Variants in ZNF236 observed in about 807,000 individuals in gnomAD.
ZNF236 encodes the protein regulated by glucose.
A neutral mutation model predicts 191.2 loss-of-function variants in ZNF236; 50 were observed. The observed-to-expected ratio is 0.26, with a 90% CI of 0.21 to 0.33. The LOEUF is 0.33. ZNF236 is among the 10% of genes least tolerant of loss of function. The probability of loss-of-function intolerance (pLI) is 1.00; values close to 1 mark genes in which losing one functional copy is unlikely to be tolerated. For missense variants in ZNF236, 1,754 were observed against 2,374.5 expected (o/e 0.74, Z 5.43); for synonymous variants, 907 against 928.8 (o/e 0.98, Z 0.43).
At chr18:76,834,523 C>T (rs181852640) in intron 1 of ZNF236, 209 of 481,312 alleles carry the variant, frequency 4.3e-4, no homozygotes, top group Non-Finnish European at 7.2e-4. Context: ...GAGCATTTTG[C>T]GGTCTTTGTC....
chr18:76,825,400 T>G (rs1974986716), intron 1 of ZNF236, among the ~76,000 whole-genome samples: 1 of 151,952 alleles, frequency 6.6e-6, no homozygotes, highest in South Asian at 2.1e-4. Context: ...GCACTAATTG[T>G]ACAAAAGCAG....
At position 76,825,675 on chromosome 18, in the gene ZNF236, ATAAG is replaced by A. The variant is rs1188996552; in HGVS notation, c.55+3017_55+3020del. On this transcript the variant is annotated intron_variant, in intron 1 of 30. Transcript: ENST00000320610. Reference sequence around the variant, plus strand: ...TGTTAATGTGTAGTAGACATTTTAAATAAGTAAATATTTTAAAAATTGCTTAGTT... The same window carrying A: ...TGTTAATGTGTAGTAGACATTTTAAATAAATATTTTAAAAATTGCTTAGTT... Among the ~76,000 whole-genome samples, 3 of 152,282 alleles carry A rather than the reference ATAAG, an allele frequency of 2.0e-5. No homozygotes were observed. In the East Asian group the frequency reaches 5.8e-4, roughly 29 times the overall value.
At chr18:76,912,458 C>G (rs1001946525) in intron 17 of ZNF236, 111 bp downstream of exon 17, 1 of 673,726 alleles carries the variant, frequency 1.5e-6, no homozygotes, top group African/African-American at 1.8e-5. Context: ...CAAAACTGTT[C>G]AAAACAGTTC....
Position 76,927,239 on chromosome 18 carries a change from A to G in ZNF236, c.4174-38A>G, listed in dbSNP as rs756550890. 5.0e-6 allele frequency: 8 copies of G among 1,612,408 alleles called. No homozygotes were observed. In the Admixed American group the frequency reaches 5.0e-5, roughly 10 times the overall value. ...AATTCTCTTGGCATCACAGAGAAGC[A>G]TGAAGTTTTCATTACAAGTACCTGT... On this transcript the variant is annotated intron_variant, in intron 23 of 30. Coordinates refer to ENST00000320610, the MANE Select transcript of ZNF236 (RefSeq NM_001306089.2). The surrounding 1 kb of genome is among the most constrained non-coding windows in gnomAD (Gnocchi z 5.4).
At position 76,970,957 on chromosome 18, in the gene ZNF236, A is replaced by G. The variant is rs565336145; in HGVS notation, c.*2618A>G. Among the ~76,000 whole-genome samples, 1 of 152,256 alleles carries G rather than the reference A, an allele frequency of 6.6e-6. No homozygotes were observed. The highest frequency in any genetic ancestry group is 1.5e-5 in the Non-Finnish European group (1 of 68,040). Reference sequence around the variant, plus strand: ...TGGGCGTCAGCACAGTGCCCTGTGCATGTGTCAGAACTGTTCCTGTTCCCT... The same window carrying G: ...TGGGCGTCAGCACAGTGCCCTGTGCGTGTGTCAGAACTGTTCCTGTTCCCT... On this transcript the variant is annotated 3_prime_UTR_variant, in exon 31 of 31. Coordinates refer to ENST00000320610, the MANE Select transcript of ZNF236 (RefSeq NM_001306089.2).
chr18:76,874,411 T>A (rs531993561), intron 5 of ZNF236, among the ~76,000 whole-genome samples: 1 of 152,134 alleles, frequency 6.6e-6, no homozygotes, highest in East Asian at 1.9e-4. Flanking sequence ...GATTTTGTCT[T>A]TTTGCTCATT....
chr18:76,914,141 C>G (rs995101925), intron 18 of ZNF236, among the ~76,000 whole-genome samples: 1 of 152,172 alleles, frequency 6.6e-6, no homozygotes, highest in African/African-American at 2.4e-5. Flanking sequence ...CCTCAGGCAC[C>G]CAGTATCTAC....
chr18:76,940,285 T>C, intron 26 of ZNF236, among the ~76,000 whole-genome samples: 1 of 148,716 alleles, frequency 6.7e-6, no homozygotes, highest in Non-Finnish European at 1.5e-5. Flanking sequence ...GGGAACACGG[T>C]GGGCTGCCCT....
intron 3 of ZNF236, among the ~76,000 whole-genome samples, chr18:76,852,816 A>G (rs1975917612): frequency 6.6e-6 from 1 of 152,196 alleles, no homozygotes; most frequent in Admixed American, 6.5e-5. Flanking sequence ...GAAATTGCAT[A>G]TTCAGACGAT....
At chr18:76,866,150 T>G (rs560320551) in intron 3 of ZNF236, among the ~76,000 whole-genome samples, 1 of 152,294 alleles carries the variant, frequency 6.6e-6, no homozygotes, top group South Asian at 2.1e-4. Context: ...TACAGAATGT[T>G]TGGAGAAACA....
At chr18:76,939,720 T>G (rs1968083580) in intron 26 of ZNF236, among the ~76,000 whole-genome samples, 1 of 152,188 alleles carries the variant, frequency 6.6e-6, no homozygotes, top group Non-Finnish European at 1.5e-5. Flanking sequence ...TTGTAAAGCC[T>G]TAAGGGTGTA....
chr18:76,937,271 G>A lies in ZNF236; in HGVS notation c.4710G>A (p.Thr1570=), dbSNP rs375196025. 3.5e-4 allele frequency: 560 copies of A among 1,613,966 alleles called. No homozygotes were observed. The highest frequency in any genetic ancestry group is 4.5e-4 in the Non-Finnish European group (535 of 1,180,026). The change falls in exon 26 of 31, where the codon ACG becomes ACA. Residue 1570 remains threonine (T), a synonymous_variant. Transcript: ENST00000320610. ...GCGTGGGAGGTGACGCTAGTGTCAC[G>A]CTGACGCTGGCCGATACTCAGGGTA... ...SSGVGGDASV[T]LTLADTQGML... is the part of the protein sequence containing the mutation.
Position 76,927,941 on chromosome 18 carries a change from A to T in ZNF236, c.4429A>T (p.Thr1477Ser). The T allele has an allele frequency of 6.2e-7, 1 of 1,601,902 alleles. No individual in the cohort carries two copies. The highest frequency in any genetic ancestry group is 8.5e-7 in the Non-Finnish European group (1 of 1,174,000). The change falls in exon 25 of 31, where the codon ACT (threonine) becomes TCT (serine). Residue 1477 changes from threonine (T) to serine (S), a missense_variant. By Grantham distance (58) the Thr-to-Ser change is moderately conservative. Transcript: ENST00000320610. The surrounding 1 kb of genome is among the most constrained non-coding windows in gnomAD (Gnocchi z 5.4). ...ATGACAATCAGGGACCCAAGACCTC[A>T]CTCAAGTGATGACTTCGCAAGGTCT... ...TTNSSGTQDL[T>S]QVMTSQGLVS...
intron 28 of ZNF236, among the ~76,000 whole-genome samples, chr18:76,956,514 A>C (rs1968529863): frequency 6.6e-6 from 1 of 152,190 alleles, no homozygotes; most frequent in African/African-American, 2.4e-5. Context: ...AGGCTCGCTC[A>C]CGTAATTGCT....
chr18:76,850,853 C>T (rs1975840385), intron 2 of ZNF236, among the ~76,000 whole-genome samples: 3 of 151,948 alleles, frequency 2.0e-5, no homozygotes, highest in Admixed American at 2.0e-4. Context: ...ATCCGCCTGC[C>T]TCAGCCTCCC....
intron 11 of ZNF236, among the ~76,000 whole-genome samples, chr18:76,902,535 G>A (rs1329168870): frequency 6.6e-6 from 1 of 151,984 alleles, no homozygotes; most frequent in African/African-American, 2.4e-5. Context: ...TGTAGGGAAG[G>A]TGGTAGGCAC....
intron 1 of ZNF236, among the ~76,000 whole-genome samples, chr18:76,836,085 T>TA (rs1390423519): frequency 2.0e-5 from 3 of 152,012 alleles, no homozygotes; most frequent in African/African-American, 4.8e-5. Flanking sequence ...TTTTTGTATT[T>TA]TTAGTAGAGA....
In ZNF236 at chr18:76,880,921, C is replaced by T. The variant is rs547486659; in HGVS notation, c.1189-363C>T. On this transcript the variant is annotated intron_variant, in intron 8 of 30. Transcript: ENST00000320610. The surrounding 1 kb of genome is among the most constrained non-coding windows in gnomAD (Gnocchi z 5.0). Reference sequence around the variant, plus strand: ...GAATCTCAGGGTGTCGTTCTACAGCCGATACCTGAAAGTTAAACCCAGTGT... The same window carrying T: ...GAATCTCAGGGTGTCGTTCTACAGCTGATACCTGAAAGTTAAACCCAGTGT... Among the ~76,000 whole-genome samples the T allele has an allele frequency of 3.4e-4, 51 of 152,150 alleles. No homozygotes were observed. The highest frequency in any genetic ancestry group is 1.1e-3 in the African/African-American group (47 of 41,492).
chr18:76,841,696 T>TTTC (rs1975511196), intron 1 of ZNF236, among the ~76,000 whole-genome samples: 1 of 144,202 alleles, frequency 6.9e-6, no homozygotes, highest in Non-Finnish European at 1.6e-5. Context: ...TTTTTTTTCT[T>TTTC]TTTTTTTTTT....
Sources: allele counts gnomAD v4.1 joint callset (sites outside exome capture counted in the v4.1 genomes callset), GRCh38; gene constraint gnomAD v4.1.1; non-coding constraint Gnocchi (gnomAD v3.1); transcripts MANE v1.5; gene names NCBI Gene and HGNC (gene_info 2026-07-23, HGNC 2026-07-21).